PCDH9: variants seen among roughly 807,000 people sequenced by gnomAD.
PCDH9 encodes protocadherin-9.
PCDH9 carries 24 observed loss-of-function variants against 70.6 expected under a neutral mutation model. The observed-to-expected ratio is 0.34, with a 90% confidence interval of 0.25 to 0.48. The LOEUF is 0.48. PCDH9 is among the 20% of genes least tolerant of loss of function. The probability of loss-of-function intolerance (pLI) is 0.99; values close to 1 mark genes in which losing one functional copy is unlikely to be tolerated. For missense variants in PCDH9, 1,281 were observed against 1,503.6 expected (o/e 0.85, Z 2.45); for synonymous variants, 562 against 558.5 (o/e 1.01, Z -0.09).
At chr13:67,123,690 C>T (rs756344877) in intron 2 of PCDH9, among the ~76,000 whole-genome samples, 23 of 152,104 alleles carry the variant, frequency 1.5e-4, no homozygotes, top group Non-Finnish European at 2.6e-4. Context: ...ATAATTTTGC[C>T]ATTTCATTCT....
chr13:67,147,808 G>A (rs1594576458), intron 2 of PCDH9, among the ~76,000 whole-genome samples: 1 of 152,286 alleles, frequency 6.6e-6, no homozygotes, highest in East Asian at 1.9e-4. Flanking sequence ...AAATTGCTAA[G>A]AAATAGCTTG....
intron 4 of PCDH9, among the ~76,000 whole-genome samples, chr13:66,365,518 G>A (rs746168366): frequency 6.6e-6 from 1 of 152,052 alleles, no homozygotes; most frequent in African/African-American, 2.4e-5. Flanking sequence ...CATCAGATGA[G>A]GTATTACTTT....
chr13:66,798,104 G>A (rs1165436179), intron 3 of PCDH9, among the ~76,000 whole-genome samples: 1 of 151,912 alleles, frequency 6.6e-6, no homozygotes, highest in Non-Finnish European at 1.5e-5. Context: ...TCATCCTTGG[G>A]AGTTCAACAA....
rs1257740521 is a variant in PCDH9 at position 66,834,245 on chromosome 13, T to TC, written c.3138+69258dup. Among the ~76,000 whole-genome samples, 5 of 149,560 alleles carry TC rather than the reference T, an allele frequency of 3.3e-5. No individual in the cohort carries two copies. The Admixed American group carries it at 3.4e-4, about 10-fold the overall frequency. On this transcript the variant is annotated intron_variant, in intron 3 of 4. Coordinates refer to ENST00000377865, the MANE Select transcript of PCDH9 (RefSeq NM_203487.3). ...CAGTCTTGGCTCACTGCAAACTCCGTCCCCCGAGCTCAAGCAATTTTCATG... is the reference window on the plus strand; with the variant it reads ...CAGTCTTGGCTCACTGCAAACTCCGTCCCCCCGAGCTCAAGCAATTTTCATG...
intron 4 of PCDH9, among the ~76,000 whole-genome samples, chr13:66,475,277 T>G (rs1234273584): frequency 6.6e-6 from 1 of 152,092 alleles, no homozygotes; most frequent in Non-Finnish European, 1.5e-5. Context: ...TGCTGGCACA[T>G]AGTAGATGCA....
At chr13:67,045,856 A>C (rs750396833) in intron 2 of PCDH9, among the ~76,000 whole-genome samples, 7 of 152,030 alleles carry the variant, frequency 4.6e-5, no homozygotes, top group Non-Finnish European at 8.8e-5. Flanking sequence ...TTCCTTGATT[A>C]TTTTTTACAC....
intron 3 of PCDH9, among the ~76,000 whole-genome samples, chr13:66,735,483 G>C (rs997720164): frequency 3.3e-5 from 5 of 151,950 alleles, no homozygotes; most frequent in Admixed American, 6.6e-5. Flanking sequence ...AAATATGTGA[G>C]GCTTAGGCAA....
chr13:66,447,616 T>C (rs1482512796), intron 4 of PCDH9, among the ~76,000 whole-genome samples: 1 of 152,184 alleles, frequency 6.6e-6, no homozygotes, highest in Non-Finnish European at 1.5e-5. Flanking sequence ...CTGTCATTTA[T>C]TGTAGCAAGT....
chr13:66,869,670 T>C lies in PCDH9; in HGVS notation c.3138+33834A>G, dbSNP rs74419224. ...ATGTTTAGTTGCTATAAAAGAACTG[T>C]TAAAAAATTAGACTGGTGTTTTATT... On this transcript the variant is annotated intron_variant, in intron 3 of 4. Transcript: ENST00000377865. Among the ~76,000 whole-genome samples the C allele has an allele frequency of 8.8e-3, 1,338 of 152,270 alleles. 21 individuals carry two copies. Among genetic ancestry groups the C allele is most frequent in the African/African-American group, 0.031 (1,274 of 41,564 alleles).
At chr13:67,174,773 A>T (rs2088401512) in intron 2 of PCDH9, among the ~76,000 whole-genome samples, 1 of 152,124 alleles carries the variant, frequency 6.6e-6, no homozygotes, top group South Asian at 2.1e-4. Flanking sequence ...ATAAAGTGTC[A>T]TTTCTTTATC....
rs2089920768 is a variant in PCDH9 at position 67,227,947 on chromosome 13, G to A, written c.494C>T (p.Ser165Leu). The change falls in exon 2 of 5, where the codon TCA becomes TTA. Residue 165 changes from serine (S) to leucine (L), a missense_variant. Physicochemically the swap from Ser to Leu is moderately radical, Grantham distance 145 (BLOSUM62 -2). Around this residue, in one of 4 missense-constraint regions of PCDH9, gnomAD observed 798 missense variants for 1,003.1 expected, o/e 0.80. Transcript: ENST00000377865. This position sits in a 1 kb window ranked among gnomAD's most constrained non-coding sequence, Gnocchi z 4.6. Reference protein sequence around the residue: ...TLINSRFPIPSATDPDTGFNG... With the variant: ...TLINSRFPIPLATDPDTGFNG... ...GAAGCCTGTGTCAGGATCTGTTGCTGATGGAATTGGAAAGCGGCTGTTGAT... is the reference window on the plus strand; with the variant it reads ...GAAGCCTGTGTCAGGATCTGTTGCTAATGGAATTGGAAAGCGGCTGTTGAT... 1 of 1,613,996 alleles carries A rather than the reference G, an allele frequency of 6.2e-7. No homozygotes were observed. The highest frequency in any genetic ancestry group is 1.3e-5 in the African/African-American group (1 of 74,926).
At chr13:67,010,792 T>C (rs2084437756) in intron 2 of PCDH9, among the ~76,000 whole-genome samples, 1 of 151,944 alleles carries the variant, frequency 6.6e-6, no homozygotes, top group Non-Finnish European at 1.5e-5. Flanking sequence ...GTAATTCAAA[T>C]TCAGATTAGC....
intron 3 of PCDH9, among the ~76,000 whole-genome samples, chr13:66,685,030 G>A (rs199707891): frequency 2.7e-5 from 4 of 148,656 alleles, no homozygotes; most frequent in Non-Finnish European, 3.0e-5. Context: ...CAATAGAAAA[G>A]AAAAAAAAAA....
At chr13:66,831,360 A>T (rs1364117095) in intron 3 of PCDH9, among the ~76,000 whole-genome samples, 1 of 152,186 alleles carries the variant, frequency 6.6e-6, no homozygotes, top group East Asian at 1.9e-4. Context: ...AATCTTTCCT[A>T]GAAATTAAGC....
chr13:67,087,505 A>C (rs1165225522), intron 2 of PCDH9, among the ~76,000 whole-genome samples: 1 of 152,188 alleles, frequency 6.6e-6, no homozygotes, highest in African/African-American at 2.4e-5. Flanking sequence ...ACAGATAAAT[A>C]GTAAAAGCAA....
chr13:67,000,692 A>G (rs1359402153), intron 2 of PCDH9, among the ~76,000 whole-genome samples: 1 of 152,170 alleles, frequency 6.6e-6, no homozygotes, highest in Non-Finnish European at 1.5e-5. Flanking sequence ...TGGGAAAATA[A>G]AGTTCACAAA....
intron 4 of PCDH9, among the ~76,000 whole-genome samples, chr13:66,403,299 C>CA (rs1957222122): frequency 6.8e-6 from 1 of 147,262 alleles, no homozygotes. Flanking sequence ...CCATGCCTGG[C>CA]TTTTTTTTTT....
intron 4 of PCDH9, among the ~76,000 whole-genome samples, chr13:66,546,959 T>C (rs551597561): frequency 1.3e-5 from 2 of 152,332 alleles, no homozygotes; most frequent in South Asian, 4.2e-4. Context: ...AGCTTAGGTG[T>C]CTGTAACCTA....
intron 2 of PCDH9, among the ~76,000 whole-genome samples, chr13:67,168,004 C>T (rs548202247): frequency 8.5e-5 from 13 of 152,200 alleles, no homozygotes; most frequent in Admixed American, 2.0e-4. Context: ...AAGAAACAAA[C>T]GATTTGTTTC....
Sources: gnomAD v4.1 joint callset for allele counts (sites outside exome capture counted in the v4.1 genomes callset) on GRCh38, gnomAD v4.1.1 for gene constraint, gnomAD v4.1.1 regional missense constraint, Gnocchi (gnomAD v3.1) non-coding constraint, MANE v1.5 for transcripts, NCBI Gene and HGNC (gene_info 2026-07-23, HGNC 2026-07-21) for gene names.